Variants in ZBBX observed in about 807,000 individuals in gnomAD.
ZBBX encodes the protein zinc finger B-box domain-containing protein 1.
Under a neutral mutation model 108.5 loss-of-function variants are expected in ZBBX, and 101 were observed. That is an observed-to-expected ratio of 0.93 (90% CI 0.79 to 1.10). The LOEUF (loss-of-function observed/expected upper bound fraction) is 1.10, where lower values mean the gene tolerates loss of function less well. Among genes scored for constraint, ZBBX ranks in the 50% least tolerant of loss-of-function variants. The pLI is 0.00. For missense variants in ZBBX, 1,009 were observed against 941.4 expected, an observed-to-expected ratio of 1.07 and a Z score of -0.94; for synonymous variants, 356 against 323.4, an observed-to-expected ratio of 1.10 and a Z score of -1.08.
At chr3:167,352,778 C>T (rs1041264686) in intron 8 of ZBBX, among the ~76,000 whole-genome samples, 11 of 150,996 alleles carry the variant, frequency 7.3e-5, no homozygotes, top group African/African-American at 2.7e-4. Flanking sequence ...GATACTACTC[C>T]ATAATAAAGT....
chr3:167,215,113 AAG>A, the ZBBX span, among the ~76,000 whole-genome samples: 37 of 152,152 alleles, frequency 2.4e-4, no homozygotes, highest in African/African-American at 8.0e-4. Context: ...AAGCTAGCAG[AAG>A]ACAAGAAATA....
At chr3:167,189,195 A>T in the ZBBX span, among the ~76,000 whole-genome samples, 1 of 152,176 alleles carries the variant, frequency 6.6e-6, no homozygotes, top group Non-Finnish European at 1.5e-5. Context: ...TGTCCGCTAT[A>T]TCCTCAGATT....
chr3:167,398,204 T>C (rs986697153), intron 1 of ZBBX, among the ~76,000 whole-genome samples: 1 of 152,132 alleles, frequency 6.6e-6, no homozygotes, highest in Non-Finnish European at 1.5e-5. Context: ...ATTTTGTTTA[T>C]GTTTCAGAAA....
At chr3:167,267,522 T>C (rs1725750838) in intron 20 of ZBBX, among the ~76,000 whole-genome samples, 1 of 152,150 alleles carries the variant, frequency 6.6e-6, no homozygotes, top group African/African-American at 2.4e-5. Context: ...GTTAAAATAT[T>C]GGAAAGGTAT....
chr3:167,180,197 C>T, the ZBBX span, among the ~76,000 whole-genome samples: 10 of 152,286 alleles, frequency 6.6e-5, no homozygotes, highest in Admixed American at 2.6e-4. Flanking sequence ...GCATTATGCA[C>T]TTGTTTCTCA....
At chr3:167,304,168 T>C (rs931810453) in intron 17 of ZBBX, among the ~76,000 whole-genome samples, 2 of 152,184 alleles carry the variant, frequency 1.3e-5, no homozygotes, top group Non-Finnish European at 2.9e-5. Context: ...AGGATAGAGA[T>C]TGAGTCTCTC....
chr3:167,220,758 G>A, the ZBBX span, among the ~76,000 whole-genome samples: 2,038 of 151,964 alleles, frequency 0.013, 22 homozygotes, highest in South Asian at 0.026. Context: ...GAAATAAAGG[G>A]CATTCAAATT....
chr3:167,261,533 T>G (rs1271307817), intron 20 of ZBBX, among the ~76,000 whole-genome samples: 1 of 151,032 alleles, frequency 6.6e-6, no homozygotes, highest in East Asian at 1.9e-4. Context: ...GGAGTGAGGG[T>G]CTGAGTTCAC....
the ZBBX span, among the ~76,000 whole-genome samples, chr3:167,214,878 C>T: frequency 2.6e-5 from 4 of 152,102 alleles, no homozygotes; most frequent in Admixed American, 6.6e-5. Context: ...ACAACATTTT[C>T]CTGAATGACT....
intron 1 of ZBBX, among the ~76,000 whole-genome samples, chr3:167,392,513 C>T (rs1748108031): frequency 6.6e-6 from 1 of 151,770 alleles, no homozygotes; most frequent in African/African-American, 2.4e-5. Context: ...TTTTCCAAAG[C>T]ATTTCCACCA....
At chr3:167,228,801 T>C in the ZBBX span, among the ~76,000 whole-genome samples, 1 of 151,832 alleles carries the variant, frequency 6.6e-6, no homozygotes, top group South Asian at 2.1e-4. Flanking sequence ...CATTTTGCTG[T>C]GAGTTCCTCA....
At chr3:167,223,973 G>T in the ZBBX span, among the ~76,000 whole-genome samples, 2 of 151,898 alleles carry the variant, frequency 1.3e-5, no homozygotes, top group African/African-American at 4.8e-5. Context: ...AATGACTGGA[G>T]ATTTTAATGC....
the ZBBX span, among the ~76,000 whole-genome samples, chr3:167,233,641 C>A: frequency 1.3e-5 from 2 of 151,746 alleles, no homozygotes; most frequent in Admixed American, 6.6e-5. Flanking sequence ...ACTACCATAA[C>A]CCCCCTTTAA....
chr3:167,184,747 G>A, the ZBBX span, among the ~76,000 whole-genome samples: 1 of 151,994 alleles, frequency 6.6e-6, no homozygotes, highest in African/African-American at 2.4e-5. Flanking sequence ...GTGGCAACAG[G>A]TAAACCAAGC....
chr3:167,292,656 C>A (rs1730913153), intron 18 of ZBBX, among the ~76,000 whole-genome samples: 1 of 151,972 alleles, frequency 6.6e-6, no homozygotes, highest in Non-Finnish European at 1.5e-5. Context: ...AAAGCAAGAG[C>A]AAACAAATGC....
At chr3:167,191,559 G>T in the ZBBX span, among the ~76,000 whole-genome samples, 1 of 151,992 alleles carries the variant, frequency 6.6e-6, no homozygotes, top group African/African-American at 2.4e-5. Context: ...TTAAAAATGG[G>T]AGTTTCTCTG....
intron 1 of ZBBX, among the ~76,000 whole-genome samples, chr3:167,407,228 T>C (rs35214105): frequency 0.088 from 13,453 of 152,226 alleles, 625 homozygotes; most frequent in Non-Finnish European, 0.11. Flanking sequence ...CAAATAAGGA[T>C]GTGAAAAATT....
At position 167,333,877 on chromosome 3, in the gene ZBBX, T is replaced by C. The variant is rs1004676855; in HGVS notation, c.637A>G (p.Lys213Glu). ...ACAGATTTGGGTTTATGTTGAATTT[T>C]ACTGGTTTCCTTTGTAGAATTATTC... ...EENNSTKETS[K>E]IQHKPKSVLL... Residue 213 changes from lysine (K) to glutamate (E), a missense_variant, in exon 10 of 22, where the codon AAA becomes GAA. Physicochemically the swap from Lys to Glu is moderately conservative, Grantham distance 56. Coordinates refer to ENST00000675490, the MANE Select transcript of ZBBX (RefSeq NM_001199201.2). The C allele has an allele frequency of 5.0e-6, 8 of 1,612,666 alleles. No homozygotes were observed. The highest frequency in any genetic ancestry group is 2.7e-5 in the African/African-American group (2 of 74,874).
chr3:167,181,969 C>T, the ZBBX span, among the ~76,000 whole-genome samples: 10 of 152,148 alleles, frequency 6.6e-5, no homozygotes, highest in African/African-American at 1.9e-4. Flanking sequence ...AGGCCTGGGA[C>T]GGGCCCCTCA....
Sources: allele counts gnomAD v4.1 joint callset (sites outside exome capture counted in the v4.1 genomes callset), GRCh38; gene constraint gnomAD v4.1.1; transcripts MANE v1.5; gene names NCBI Gene and HGNC (gene_info 2026-07-23, HGNC 2026-07-21).